The following CYP27A1 variants were observed in gnomAD, a reference collection of about 807,000 sequenced individuals.
CYP27A1 encodes sterol 26-hydroxylase, mitochondrial.
Under a neutral mutation model 58.2 loss-of-function variants are expected in CYP27A1, and 46 were observed. The ratio of observed to expected loss-of-function variants is 0.79; its 90% CI spans 0.62 to 1.01. CYP27A1 has a LOEUF of 1.01. Ranked by LOEUF, CYP27A1 falls within the 50% of genes least tolerant of loss-of-function variation. The pLI is 0.00. For synonymous variants in CYP27A1, 274 were observed against 285.1 expected (o/e 0.96, Z 0.39); for missense variants, 704 against 687.0 (o/e 1.02, Z -0.28).
At chr2:218,794,058 T>C (rs960264967) in intron 1 of CYP27A1, among the ~76,000 whole-genome samples, 1 of 152,146 alleles carries the variant, frequency 6.6e-6, no homozygotes, top group African/African-American at 2.4e-5. Context: ...AAAAATTCAG[T>C]AAAGCTAGAG....
At chr2:218,797,497 AAAG>A (rs764071831) in intron 1 of CYP27A1, among the ~76,000 whole-genome samples, 1 of 152,252 alleles carries the variant, frequency 6.6e-6, no homozygotes, top group Admixed American at 6.5e-5. Context: ...GGTATAACCT[AAAG>A]AAGATCGAAC....
intron 1 of CYP27A1, among the ~76,000 whole-genome samples, chr2:218,808,175 C>T (rs1341330183): frequency 1.3e-5 from 2 of 152,146 alleles, no homozygotes; most frequent in Non-Finnish European, 2.9e-5. Context: ...ACAAATCGTC[C>T]TCCAAGTAGG....
At position 218,814,829 on chromosome 2, in the gene CYP27A1, G is replaced by A. The variant is rs116288589; in HGVS notation, c.1476+72G>A. 1.3e-3 allele frequency: 2,037 copies of A among 1,613,164 alleles called. 31 individuals are homozygous for A. The African/African-American group carries it at 0.025, about 19-fold the overall frequency. ...GGAGTCCTGGGAGGAGAGGAAGGGA[G>A]GCACAGGGTAGGAGTGTGCAGAGCG... is the stretch of plus-strand genomic sequence containing the variant. On this transcript the variant is annotated intron_variant, in intron 8 of 8. Coordinates refer to ENST00000258415, the MANE Select transcript of CYP27A1 (RefSeq NM_000784.4).
chr2:218,784,815 G>T lies in CYP27A1; in HGVS notation c.255+2378G>T, dbSNP rs79257968. On this transcript the variant is annotated intron_variant, in intron 1 of 8. Coordinates refer to ENST00000258415, the MANE Select transcript of CYP27A1 (RefSeq NM_000784.4). Reference sequence around the variant, plus strand: ...TAAAACTGGATTCTGATTCTTTTGAGTATTTCAGGTTGACAGGGGGCAGGT... The same window carrying T: ...TAAAACTGGATTCTGATTCTTTTGATTATTTCAGGTTGACAGGGGGCAGGT... Among the ~76,000 whole-genome samples, 830 of 152,266 alleles carry T rather than the reference G, an allele frequency of 5.5e-3. 8 individuals are homozygous for T. The highest frequency in any genetic ancestry group is 0.019 in the African/African-American group (788 of 41,548).
rs1421364979 is a variant in CYP27A1 at position 218,814,185 on chromosome 2, G to A, written c.1182G>A (p.Leu394=). ...PLLKAVLKET[L]RLYPVVPTNS... ...TCAAAGCTGTGCTTAAGGAGACTCT[G>A]CGGTAGGACAGAATGCTGTTCTGGG... Residue 394 remains leucine (L), a splice_region_variant and synonymous_variant, in exon 6 of 9, where the codon CTG becomes CTA. Coordinates refer to ENST00000258415, the MANE Select transcript of CYP27A1 (RefSeq NM_000784.4). 1.2e-6 allele frequency: 2 copies of A among 1,614,254 alleles called. No homozygotes were observed. Among genetic ancestry groups the A allele is most frequent in the East Asian group, 4.5e-5 (2 of 44,890 alleles).
chr2:218,796,748 T>A (rs1230634724), intron 1 of CYP27A1, among the ~76,000 whole-genome samples: 1 of 152,326 alleles, frequency 6.6e-6, no homozygotes, highest in African/African-American at 2.4e-5. Context: ...ATAAGTTTCT[T>A]TGACTCTGAA....
At chr2:218,790,749 G>C (rs1943484556) in intron 1 of CYP27A1, among the ~76,000 whole-genome samples, 1 of 151,570 alleles carries the variant, frequency 6.6e-6, no homozygotes, top group Admixed American at 6.6e-5. Context: ...CCAGGCTGGA[G>C]TGTAGTGGCA....
At chr2:218,810,019 C>T (rs1559391627) in intron 2 of CYP27A1, among the ~76,000 whole-genome samples, 1 of 152,206 alleles carries the variant, frequency 6.6e-6, no homozygotes, top group Non-Finnish European at 1.5e-5. Context: ...AAAACCACAC[C>T]TGTAATCCCA....
At chr2:218,810,904 T>G (rs1385868019) in intron 2 of CYP27A1, among the ~76,000 whole-genome samples, 1 of 152,076 alleles carries the variant, frequency 6.6e-6, no homozygotes, top group Non-Finnish European at 1.5e-5. Context: ...TCCCAGCACT[T>G]TGGGAGGCCA....
At chr2:218,812,788 G>T in intron 4 of CYP27A1, 39 bp downstream of exon 4, 1 of 1,611,134 alleles carries the variant, frequency 6.2e-7, no homozygotes, top group Non-Finnish European at 8.5e-7. Context: ...AGAGAGATGG[G>T]GGTGACTCCA....
At position 218,782,163 on chromosome 2, in the gene CYP27A1, C is replaced by T; in HGVS notation, c.-20C>T. On this transcript the variant is annotated 5_prime_UTR_variant, in exon 1 of 9. Transcript: ENST00000258415. The surrounding 1 kb of genome is among the most constrained non-coding windows in gnomAD (Gnocchi z 4.1). The stretch of plus-strand genomic sequence containing the variant: ...GGACTCAGCACTCGACCCAAAGGTG[C>T]AGGCGCGCGAGCACAACCCATGGCT... 1.3e-6 allele frequency: 2 copies of T among 1,534,072 alleles called. No individual in the cohort carries two copies.
rs114475797 is a variant in CYP27A1, at chr2:218,795,332, G to A, written c.255+12895G>A. Among the ~76,000 whole-genome samples the A allele has an allele frequency of 5.4e-3, 823 of 152,262 alleles. 9 individuals carry two copies. The highest frequency in any genetic ancestry group is 0.018 in the African/African-American group (765 of 41,536). ...ACAAAATTGTGTCTCAGGGGGTGTT[G>A]CATGGACTTCTTATCATAAGCCAAA... On this transcript the variant is annotated intron_variant, in intron 1 of 8. Coordinates refer to ENST00000258415, the MANE Select transcript of CYP27A1 (RefSeq NM_000784.4).
Position 218,782,570 on chromosome 2 carries a change from A to T in CYP27A1, c.255+133A>T. On this transcript the variant is annotated intron_variant, in intron 1 of 8. Coordinates refer to ENST00000258415, the MANE Select transcript of CYP27A1 (RefSeq NM_000784.4). This position sits in a 1 kb window ranked among gnomAD's most constrained non-coding sequence, Gnocchi z 4.1. ...GGGGACCCACTGAGGCTATGGTCAT[A>T]AACTGGAAATCAGTAGGGAGAATGG... 8.5e-7 allele frequency: 1 copy of T among 1,172,732 alleles called. No homozygotes were observed. Among genetic ancestry groups the T allele is most frequent in the East Asian group, 2.4e-5 (1 of 42,418 alleles). The allele number at this position is 1,172,732 out of a possible 1,614,324, so 72.6% of individuals were successfully genotyped here.
At chr2:218,785,860 T>A (rs1286810023) in intron 1 of CYP27A1, among the ~76,000 whole-genome samples, 1 of 152,236 alleles carries the variant, frequency 6.6e-6, no homozygotes, top group Non-Finnish European at 1.5e-5. Flanking sequence ...TCACTTTGTA[T>A]CAGAATTTGT....
intron 1 of CYP27A1, among the ~76,000 whole-genome samples, chr2:218,805,417 C>A (rs998954331): frequency 6.6e-6 from 1 of 152,074 alleles, no homozygotes; most frequent in Non-Finnish European, 1.5e-5. Context: ...TTTGGGATGT[C>A]ATAAAGAAGT....
chr2:218,799,060 T>C (rs1013930144), intron 1 of CYP27A1, among the ~76,000 whole-genome samples: 11 of 152,170 alleles, frequency 7.2e-5, no homozygotes, highest in Non-Finnish European at 1.2e-4. Flanking sequence ...AGATTCAAGA[T>C]TGGATTATTG....
In CYP27A1 at chr2:218,805,182, T is replaced by C. The variant is rs145681286; in HGVS notation, c.256-4395T>C. Among the ~76,000 whole-genome samples, 408 of 152,366 alleles carry C rather than the reference T, an allele frequency of 2.7e-3. 6 individuals carry two copies. Among genetic ancestry groups the C allele is most frequent in the African/African-American group, 9.1e-3 (380 of 41,586 alleles). On this transcript the variant is annotated intron_variant, in intron 1 of 8. Transcript: ENST00000258415. ...GAGGTTATTGTAAATGGAATTATTT[T>C]CTTAATTTCCTTTCAGATTGTTCTT...
chr2:218,782,321 G>A lies in CYP27A1; in HGVS notation c.139G>A (p.Gly47Arg), dbSNP rs1167201363. ...SDKATGAPGA[G>R]PGVRRRQRSL... The stretch of plus-strand genomic sequence containing the variant: ...CAAGGCCACCGGAGCTCCCGGAGCC[G>A]GGCCTGGTGTCCGGCGGCGGCAACG... Residue 47 changes from glycine to arginine, a missense_variant, in exon 1 of 9, where the codon GGG (glycine) becomes AGG (arginine). Transcript: ENST00000258415. The surrounding 1 kb of genome is among the most constrained non-coding windows in gnomAD (Gnocchi z 4.1). 3 of 1,612,556 alleles carry A rather than the reference G, an allele frequency of 1.9e-6. No individual in the cohort carries two copies. Among genetic ancestry groups the A allele is most frequent in the Middle Eastern group, 1.7e-4 (1 of 6,046 alleles).
chr2:218,798,029 G>C (rs990283400), intron 1 of CYP27A1, among the ~76,000 whole-genome samples: 1 of 151,940 alleles, frequency 6.6e-6, no homozygotes, highest in Non-Finnish European at 1.5e-5. Flanking sequence ...TTGAGACAGA[G>C]TCTCGCCCTG....
Sources: gnomAD v4.1 joint callset for allele counts (sites outside exome capture counted in the v4.1 genomes callset) on GRCh38, gnomAD v4.1.1 for gene constraint, Gnocchi (gnomAD v3.1) non-coding constraint, MANE v1.5 for transcripts, NCBI Gene and HGNC (gene_info 2026-07-23, HGNC 2026-07-21) for gene names.